EPHA6: variants seen among roughly 807,000 people sequenced by gnomAD.
EPHA6 encodes the protein EPH receptor A6.
A neutral mutation model predicts 112.0 loss-of-function variants in EPHA6; 50 were observed. The ratio of observed to expected loss-of-function variants is 0.45; its 90% CI spans 0.36 to 0.56. The LOEUF (loss-of-function observed/expected upper bound fraction) is 0.56. Among genes scored for constraint, EPHA6 ranks in the 20% least tolerant of loss-of-function variants. The probability of loss-of-function intolerance (pLI) is 0.00; values close to 1 mark genes in which losing one functional copy is unlikely to be tolerated. For missense variants in EPHA6, 1,280 were observed against 1,417.4 expected, an observed-to-expected ratio of 0.90 and a Z score of 1.56; for synonymous variants, 529 against 490.7, an observed-to-expected ratio of 1.08 and a Z score of -1.03.
Position 97,747,415 on chromosome 3 carries a change from T to C in EPHA6, c.3129-8T>C, listed in dbSNP as rs1388189175. ...CTCCATGTTTTGTTTTGTTTTGTTT[T>C]CTTACAGAATGCCAGAGTCCCCTGG... On this transcript the variant is annotated splice_region_variant and splice_polypyrimidine_tract_variant and intron_variant, in intron 16 of 17. Coordinates refer to ENST00000389672, the MANE Select transcript of EPHA6 (RefSeq NM_001080448.3). 2.6e-6 allele frequency: 4 copies of C among 1,526,324 alleles called. No homozygotes were observed. The highest frequency in any genetic ancestry group is 3.5e-6 in the Non-Finnish European group (4 of 1,136,628). 94.5% of individuals were successfully genotyped at this position (1,526,324 alleles called of 1,614,324 possible). A position where few individuals can be genotyped will look rare whatever the true frequency, so the allele number is the denominator to read the frequency against.
chr3:97,522,416 TG>T (rs1429177028), intron 10 of EPHA6, among the ~76,000 whole-genome samples: 48 of 152,346 alleles, frequency 3.2e-4, no homozygotes, highest in African/African-American at 1.1e-3. Context: ...TCATGGTGAC[TG>T]ACTATTTTTA....
intron 3 of EPHA6, among the ~76,000 whole-genome samples, chr3:96,991,349 A>T (rs2043209359): frequency 6.6e-6 from 1 of 152,144 alleles, no homozygotes; most frequent in Non-Finnish European, 1.5e-5. Context: ...TGTACAATAA[A>T]CAGCCATCAC....
Position 97,592,662 on chromosome 3 carries a change from G to T in EPHA6, c.2437G>T (p.Ala813Ser), listed in dbSNP as rs1402763735. 4 of 1,613,518 alleles carry T rather than the reference G, an allele frequency of 2.5e-6. No individual in the cohort carries two copies. Among genetic ancestry groups the T allele is most frequent in the Non-Finnish European group, 3.4e-6 (4 of 1,179,728 alleles). Residue 813 changes from alanine to serine, a missense_variant, in exon 12 of 18, where the codon GCA becomes TCA. Transcript: ENST00000389672. ...GGCGTTTTGCCCCAGCTTCCTGAGG[G>T]CAGGGTTTTTAAATAGCATCCAGGC... Reference protein sequence around the residue: ...VEAFCPSFLRAGFLNSIQAPH... With the variant: ...VEAFCPSFLRSGFLNSIQAPH...
At chr3:97,020,832 G>T (rs1031234636) in intron 3 of EPHA6, among the ~76,000 whole-genome samples, 1 of 151,798 alleles carries the variant, frequency 6.6e-6, no homozygotes, top group Admixed American at 6.6e-5. Flanking sequence ...CATTTATTAT[G>T]CCTAGTGATC....
intron 3 of EPHA6, among the ~76,000 whole-genome samples, chr3:97,010,323 A>G (rs1301507052): frequency 6.6e-6 from 1 of 152,188 alleles, no homozygotes; most frequent in Admixed American, 6.5e-5. Context: ...GTGTTTTGGA[A>G]TACAGCCAAG....
rs555315222 is a variant in EPHA6, at chr3:97,440,564, C to T, written c.1732-8004C>T. ...AATCAGAGAAATTAAAAAAAACCCA[C>T]CACATCTCCAATCTATTTATTTTAA... is the stretch of plus-strand genomic sequence containing the variant. On this transcript the variant is annotated intron_variant, in intron 6 of 17. Transcript: ENST00000389672. Among the ~76,000 whole-genome samples the T allele has an allele frequency of 1.5e-4, 23 of 150,986 alleles. No individual in the cohort carries two copies. In the South Asian group the frequency reaches 4.6e-3, roughly 30 times the overall value.
At chr3:97,630,361 G>T (rs2093892497) in intron 13 of EPHA6, among the ~76,000 whole-genome samples, 4 of 151,848 alleles carry the variant, frequency 2.6e-5, no homozygotes, top group Admixed American at 2.0e-4. Flanking sequence ...AAAGGAGATA[G>T]TTACTTATTT....
intron 2 of EPHA6, among the ~76,000 whole-genome samples, chr3:96,890,007 A>C (rs1291495837): frequency 6.6e-6 from 1 of 152,118 alleles, no homozygotes; most frequent in African/African-American, 2.4e-5. Context: ...TACCTTATAC[A>C]CAAAAGTCAA....
chr3:97,020,336 C>A (rs1173246471), intron 3 of EPHA6, among the ~76,000 whole-genome samples: 1 of 152,108 alleles, frequency 6.6e-6, no homozygotes, highest in Non-Finnish European at 1.5e-5. Flanking sequence ...ATGAATAATG[C>A]ATGCAGAAAT....
At chr3:97,104,098 A>G (rs1301327261) in intron 3 of EPHA6, among the ~76,000 whole-genome samples, 1 of 152,154 alleles carries the variant, frequency 6.6e-6, no homozygotes, top group Non-Finnish European at 1.5e-5. Context: ...GAAAACAGGT[A>G]TATTTTAACC....
intron 3 of EPHA6, among the ~76,000 whole-genome samples, chr3:97,059,965 A>G (rs28576485): frequency 6.6e-6 from 1 of 151,894 alleles, no homozygotes; most frequent in Admixed American, 6.6e-5. Context: ...TACTAAAAAT[A>G]CAAAAATTAG....
At chr3:96,883,943 G>A (rs1375897422) in intron 2 of EPHA6, among the ~76,000 whole-genome samples, 1 of 152,036 alleles carries the variant, frequency 6.6e-6, no homozygotes, top group Non-Finnish European at 1.5e-5. Flanking sequence ...AAAGTGCTAG[G>A]ATTACAGGCC....
chr3:97,529,070 C>G (rs2092664653), intron 10 of EPHA6, among the ~76,000 whole-genome samples: 6 of 152,072 alleles, frequency 3.9e-5, no homozygotes, highest in Admixed American at 3.9e-4. Flanking sequence ...CATTTGAACA[C>G]TATTACAATA....
Position 97,541,356 on chromosome 3 carries a change from T to A in EPHA6, c.2386+8813T>A, listed in dbSNP as rs966294788. On this transcript the variant is annotated intron_variant, in intron 11 of 17. Transcript: ENST00000389672. The stretch of plus-strand genomic sequence containing the variant: ...CTAACTTTCCCCTGTAATTTTAGTA[T>A]TTTGCATAATCATAAGATTATTTTC... Among the ~76,000 whole-genome samples the A allele has an allele frequency of 2.6e-5, 4 of 152,310 alleles. No homozygotes were observed. In the South Asian group the frequency reaches 8.3e-4, roughly 32 times the overall value.
intron 15 of EPHA6, among the ~76,000 whole-genome samples, chr3:97,727,004 C>T (rs1186329832): frequency 3.3e-5 from 5 of 151,998 alleles, no homozygotes; most frequent in African/African-American, 1.2e-4. Context: ...TTTCCCCTGA[C>T]ATGATGCTGT....
intron 1 of EPHA6, among the ~76,000 whole-genome samples, chr3:96,862,446 A>C (rs190573106): frequency 7.2e-5 from 11 of 152,100 alleles, no homozygotes; most frequent in African/African-American, 2.6e-4. Context: ...GAAAGTTCTC[A>C]AACATGTATT....
chr3:97,686,390 G>A (rs536344354), intron 14 of EPHA6, among the ~76,000 whole-genome samples: 8 of 152,030 alleles, frequency 5.3e-5, no homozygotes, highest in Non-Finnish European at 7.4e-5. Flanking sequence ...GTAGATGGCA[G>A]GTATTAAGAA....
intron 2 of EPHA6, among the ~76,000 whole-genome samples, chr3:96,936,591 T>C (rs138259293): frequency 6.6e-6 from 1 of 151,934 alleles, no homozygotes; most frequent in East Asian, 1.9e-4. Flanking sequence ...TTGTTGATGT[T>C]CTTTTTTTAA....
At chr3:97,629,522 C>A (rs913388140) in intron 13 of EPHA6, among the ~76,000 whole-genome samples, 2 of 151,790 alleles carry the variant, frequency 1.3e-5, no homozygotes, top group South Asian at 4.2e-4. Context: ...TTAACTGATA[C>A]CATGAAATTA....
Sources: allele counts gnomAD v4.1 joint callset (sites outside exome capture counted in the v4.1 genomes callset), GRCh38; gene constraint gnomAD v4.1.1; transcripts MANE v1.5; gene names NCBI Gene and HGNC (gene_info 2026-07-23, HGNC 2026-07-21).